Variants in MAMDC2 observed in about 807,000 individuals in gnomAD.
MAMDC2 encodes the protein MAM domain-containing protein 2.
MAMDC2 carries 57 observed loss-of-function variants against 89.8 expected under a neutral mutation model. The observed-to-expected ratio is 0.63, with a 90% CI of 0.51 to 0.79. The LOEUF is 0.79. MAMDC2 is among the 30% of genes least tolerant of loss of function. MAMDC2 has a pLI of 0.00. For synonymous variants in MAMDC2, 313 were observed against 293.4 expected, an observed-to-expected ratio of 1.07 and a Z score of -0.68; for missense variants, 800 against 820.6, an observed-to-expected ratio of 0.97 and a Z score of 0.31.
intron 12 of MAMDC2, among the ~76,000 whole-genome samples, chr9:70,221,561 T>A (rs1267191732): frequency 6.6e-6 from 1 of 150,850 alleles, no homozygotes; most frequent in Non-Finnish European, 1.5e-5. Flanking sequence ...AAGAGGAATA[T>A]GTTTTTGAGA....
chr9:70,068,947 C>A (rs985201711), intron 2 of MAMDC2, among the ~76,000 whole-genome samples: 2 of 152,084 alleles, frequency 1.3e-5, no homozygotes, highest in Non-Finnish European at 2.9e-5. Context: ...TAAAGCAAGG[C>A]AGATATAAGG....
Position 70,096,022 on chromosome 9 carries a change from G to T in MAMDC2, c.149-12189G>T, listed in dbSNP as rs528674495. On this transcript the variant is annotated intron_variant, in intron 2 of 13. Transcript: ENST00000377182. ...GGACTTTAAATTTAATTTAATTTAA[G>T]TTTTTTTTTTCTTTTTTTTGAGACA... Among the ~76,000 whole-genome samples, 117 of 149,852 alleles carry T rather than the reference G, an allele frequency of 7.8e-4. 1 individual carries two copies. Among genetic ancestry groups the T allele is most frequent in the African/African-American group, 2.8e-3 (113 of 40,942 alleles).
chr9:70,221,380 T>TAGAGAGAG lies in MAMDC2; in HGVS notation c.1911+2805_1911+2812dup, dbSNP rs58804811. Among the ~76,000 whole-genome samples, 24 of 7,030 alleles carry TAGAGAGAG rather than the reference T, an allele frequency of 3.4e-3. 2 individuals carry two copies. Among genetic ancestry groups the TAGAGAGAG allele is most frequent in the East Asian group, 9.8e-3 (1 of 102 alleles). The allele number at this position is 7,030 out of a possible 152,430, so 4.6% of individuals were successfully genotyped here. A position where few individuals can be genotyped will look rare whatever the true frequency, so the allele number is the denominator to read the frequency against. On this transcript the variant is annotated intron_variant, in intron 12 of 13. Transcript: ENST00000377182. ...AAATATATATATATATATATATATATAGAGAGAGAGAGAGAGAGAGAGAGA... is the reference window on the plus strand; with the variant it reads ...AAATATATATATATATATATATATATAGAGAGAGAGAGAGAGAGAGAGAGAGAGAGAGA...
At chr9:70,164,298 T>C (rs1423852828) in intron 9 of MAMDC2, among the ~76,000 whole-genome samples, 1 of 152,206 alleles carries the variant, frequency 6.6e-6, no homozygotes, top group East Asian at 1.9e-4. Context: ...TTAAAAAGCA[T>C]GTATACTATG....
intron 2 of MAMDC2, among the ~76,000 whole-genome samples, chr9:70,054,579 A>AT (rs893754532): frequency 2.7e-4 from 40 of 148,030 alleles, no homozygotes; most frequent in South Asian, 1.9e-3. Context: ...TGAAAGTTTT[A>AT]TTTTTTTTTT....
chr9:70,086,944 C>T (rs900187332), intron 2 of MAMDC2: 4 of 152,132 alleles, frequency 2.6e-5, no homozygotes, highest in African/African-American at 9.7e-5. Context: ...CTGGGACTCT[C>T]AATCCCCATT....
chr9:70,116,206 C>T (rs779634244), intron 5 of MAMDC2, among the ~76,000 whole-genome samples: 2 of 152,170 alleles, frequency 1.3e-5, no homozygotes, highest in African/African-American at 2.4e-5. Flanking sequence ...ATTTTTCATC[C>T]TCGATGGCAA....
intron 11 of MAMDC2, among the ~76,000 whole-genome samples, chr9:70,176,558 A>C (rs541634156): frequency 1.9e-3 from 284 of 152,354 alleles, no homozygotes; most frequent in African/African-American, 6.6e-3. Context: ...CTGGTGCACA[A>C]CACAGAAAAT....
At chr9:70,078,614 G>A (rs1268300439) in intron 2 of MAMDC2, among the ~76,000 whole-genome samples, 1 of 152,160 alleles carries the variant, frequency 6.6e-6, no homozygotes, top group Non-Finnish European at 1.5e-5. Flanking sequence ...GTGGGTTGTA[G>A]TACCCTGTGT....
chr9:70,051,667 A>G (rs1406152380), intron 2 of MAMDC2, among the ~76,000 whole-genome samples: 2 of 152,212 alleles, frequency 1.3e-5, no homozygotes, highest in Admixed American at 1.3e-4. Context: ...GGGTATCCCA[A>G]TAAGTAGAGC....
Position 70,140,186 on chromosome 9 carries a change from C to T in MAMDC2, c.1036C>T (p.Gln346Ter). The T allele has an allele frequency of 1.3e-6, 2 of 1,595,606 alleles. No homozygotes were observed. Among genetic ancestry groups the T allele is most frequent in the Non-Finnish European group, 1.7e-6 (2 of 1,174,714 alleles). Reference protein sequence around the residue: ...SAVEASCNFEQDLCNFYQDKE... With the variant: ...SAVEASCNFE ...CGTGGAAGCCAGCTGCAATTTTGAG[C>T]AAGATCTCTGCAACTTTTACCAAGA... is the stretch of plus-strand genomic sequence containing the variant. Residue 346 changes from glutamine to a stop codon, truncating the protein, a stop_gained, in exon 8 of 14, where the codon CAA becomes TAA. Transcript: ENST00000377182. LOFTEE classifies it high-confidence loss of function.
chr9:70,110,302 C>A (rs1033352744), intron 4 of MAMDC2, among the ~76,000 whole-genome samples: 19 of 152,198 alleles, frequency 1.2e-4, no homozygotes, highest in Non-Finnish European at 2.5e-4. Flanking sequence ...AAAGGATAAA[C>A]CCTGTCCTAT....
At chr9:70,094,696 T>C (rs1827984803) in intron 2 of MAMDC2, among the ~76,000 whole-genome samples, 1 of 152,196 alleles carries the variant, frequency 6.6e-6, no homozygotes, top group South Asian at 2.1e-4. Flanking sequence ...GTTTACCCAT[T>C]TATTTAAAAA....
At chr9:70,113,274 A>C in intron 5 of MAMDC2, 142 bp downstream of exon 5, 1 of 896,658 alleles carries the variant, frequency 1.1e-6, no homozygotes, top group Non-Finnish European at 1.7e-6. Context: ...AGTAGGAACC[A>C]GGAGGTGTGA....
intron 6 of MAMDC2, among the ~76,000 whole-genome samples, chr9:70,130,846 T>G (rs561971748): frequency 6.6e-6 from 1 of 152,170 alleles, no homozygotes; most frequent in Non-Finnish European, 1.5e-5. Context: ...TGATTTTTCC[T>G]TTAATTGAAG....
intron 4 of MAMDC2, among the ~76,000 whole-genome samples, chr9:70,111,651 T>C (rs958786050): frequency 2.6e-5 from 4 of 152,196 alleles, no homozygotes; most frequent in Non-Finnish European, 1.5e-5. Context: ...GGTGGAAACA[T>C]TGAAAATGAA....
intron 2 of MAMDC2, among the ~76,000 whole-genome samples, chr9:70,067,734 T>C (rs904646112): frequency 1.7e-4 from 26 of 152,350 alleles, no homozygotes; most frequent in African/African-American, 6.0e-4. Flanking sequence ...CTCATTTGGA[T>C]AATTTAAGAA....
intron 11 of MAMDC2, among the ~76,000 whole-genome samples, chr9:70,209,476 A>C (rs1328080181): frequency 1.3e-5 from 2 of 152,110 alleles, no homozygotes; most frequent in Admixed American, 1.3e-4. Flanking sequence ...CAGTTGTGAT[A>C]TTCCCTTTAT....
At chr9:70,190,934 T>C (rs1021406728) in intron 11 of MAMDC2, among the ~76,000 whole-genome samples, 13 of 152,170 alleles carry the variant, frequency 8.5e-5, no homozygotes, top group Non-Finnish European at 1.6e-4. Flanking sequence ...GCTCCAAATC[T>C]GTTCTGTATC....
Sources: gnomAD v4.1 joint callset for allele counts (sites outside exome capture counted in the v4.1 genomes callset) on GRCh38, gnomAD v4.1.1 for gene constraint, MANE v1.5 for transcripts, NCBI Gene and HGNC (gene_info 2026-07-23, HGNC 2026-07-21) for gene names.